FILIP1L: variants seen among roughly 807,000 people sequenced by gnomAD.
FILIP1L encodes filamin A interacting protein 1 like, also known as filamin A-interacting protein 1-like.
Under a neutral mutation model 96.6 loss-of-function variants are expected in FILIP1L, and 55 were observed. The ratio of observed to expected loss-of-function variants is 0.57; its 90% CI spans 0.46 to 0.71. The LOEUF (loss-of-function observed/expected upper bound fraction) is 0.71, where lower values mean the gene tolerates loss of function less well. Ranked by LOEUF, FILIP1L falls within the 30% of genes least tolerant of loss-of-function variation. The probability of loss-of-function intolerance (pLI) is 0.00; values close to 1 mark genes in which losing one functional copy is unlikely to be tolerated. For synonymous variants in FILIP1L, 467 were observed against 473.9 expected (o/e 0.99, Z 0.19); for missense variants, 1,304 against 1,321.2 (o/e 0.99, Z 0.20).
intron 1 of FILIP1L, among the ~76,000 whole-genome samples, chr3:99,937,892 TAAA>T: frequency 6.6e-6 from 1 of 152,230 alleles, no homozygotes; most frequent in South Asian, 2.1e-4. Flanking sequence ...TTATTTATCT[TAAA>T]GAATTTTAGC....
intron 1 of FILIP1L, among the ~76,000 whole-genome samples, chr3:99,987,569 G>C (rs938598626): frequency 2.7e-5 from 4 of 149,186 alleles, no homozygotes; most frequent in African/African-American, 4.9e-5. Flanking sequence ...AAATATTTAA[G>C]TGCAAGAGAT....
At chr3:99,935,771 T>C (rs965371964) in intron 1 of FILIP1L, among the ~76,000 whole-genome samples, 5 of 152,234 alleles carry the variant, frequency 3.3e-5, no homozygotes, top group African/African-American at 9.6e-5. Flanking sequence ...GAGAAGTAGA[T>C]CCTGCTTTGT....
rs569315688 is a variant in FILIP1L, at chr3:99,993,144, C to CT, written c.-10-62115dup. On this transcript the variant is annotated intron_variant, in intron 1 of 5. Transcript: ENST00000477258. Reference sequence around the variant, plus strand: ...CTTAGGATTTCTTTGGCTATTTGAGCTTTTTTTGGGTTTCATATGAGTTTT... The same window carrying CT: ...CTTAGGATTTCTTTGGCTATTTGAGCTTTTTTTTGGGTTTCATATGAGTTTT... 3.2e-4 allele frequency among the ~76,000 whole-genome samples: 48 copies of CT among 151,908 alleles called. No individual in the cohort carries two copies. The East Asian group carries it at 8.7e-3, about 27-fold the overall frequency.
At chr3:100,027,815 A>T (rs2064954090) in intron 1 of FILIP1L, among the ~76,000 whole-genome samples, 2 of 152,204 alleles carry the variant, frequency 1.3e-5, no homozygotes, top group Non-Finnish European at 2.9e-5. Flanking sequence ...CAGAGGGAAA[A>T]GCATGTGTAA....
chr3:99,991,200 G>A (rs1047806021), intron 1 of FILIP1L, among the ~76,000 whole-genome samples: 5 of 152,122 alleles, frequency 3.3e-5, no homozygotes, highest in Non-Finnish European at 1.5e-5. Flanking sequence ...CAAATAAGCA[G>A]CCTATTCTTC....
At chr3:100,014,885 TTC>T (rs1198501249) in intron 1 of FILIP1L, among the ~76,000 whole-genome samples, 2 of 126,220 alleles carry the variant, frequency 1.6e-5, no homozygotes, top group African/African-American at 5.6e-5. Context: ...TTTTTTTTTT[TTC>T]TTTCTTTCTT....
intron 3 of FILIP1L, among the ~76,000 whole-genome samples, chr3:99,925,327 G>A (rs1041326575): frequency 6.6e-6 from 1 of 152,186 alleles, no homozygotes; most frequent in African/African-American, 2.4e-5. Flanking sequence ...TGATCAACCT[G>A]TGGCTGATAC....
chr3:99,969,255 T>C (rs1462315435), intron 1 of FILIP1L, among the ~76,000 whole-genome samples: 1 of 152,152 alleles, frequency 6.6e-6, no homozygotes, highest in Admixed American at 6.5e-5. Context: ...AATTCTCTTA[T>C]TGAAGTAGAA....
chr3:99,870,309 A>G (rs985084609), intron 4 of FILIP1L, among the ~76,000 whole-genome samples: 1 of 152,210 alleles, frequency 6.6e-6, no homozygotes, highest in Admixed American at 6.5e-5. Flanking sequence ...TTGAGACACT[A>G]ACATTTATCC....
intron 5 of FILIP1L, among the ~76,000 whole-genome samples, chr3:99,835,633 T>C (rs1016889491): frequency 5.3e-5 from 8 of 152,224 alleles, no homozygotes; most frequent in African/African-American, 1.7e-4. Context: ...TGCAAAGTCA[T>C]ATGTGATTCT....
chr3:100,106,812 A>G (rs1217822463), intron 1 of FILIP1L, among the ~76,000 whole-genome samples: 2 of 152,142 alleles, frequency 1.3e-5, no homozygotes, highest in African/African-American at 2.4e-5. Flanking sequence ...TCCCTGTAGT[A>G]TGTTTTCATA....
intron 1 of FILIP1L, among the ~76,000 whole-genome samples, chr3:99,955,032 A>G (rs1333519762): frequency 4.6e-5 from 7 of 152,226 alleles, no homozygotes; most frequent in Admixed American, 4.6e-4. Context: ...TATAATGGTA[A>G]ATGAAAGGGT....
At chr3:99,920,317 C>G (rs1373421755) in intron 4 of FILIP1L, among the ~76,000 whole-genome samples, 1 of 151,992 alleles carries the variant, frequency 6.6e-6, no homozygotes, top group Non-Finnish European at 1.5e-5. Context: ...AAAAAATATG[C>G]AAGCTTTTTT....
intron 1 of FILIP1L, among the ~76,000 whole-genome samples, chr3:99,935,685 G>A (rs1233114998): frequency 6.6e-6 from 1 of 152,154 alleles, no homozygotes; most frequent in Non-Finnish European, 1.5e-5. Flanking sequence ...TTGAAGTCCC[G>A]GGATTTCCCG....
chr3:100,034,916 T>C (rs922064129), intron 1 of FILIP1L, among the ~76,000 whole-genome samples: 1 of 152,170 alleles, frequency 6.6e-6, no homozygotes, highest in Non-Finnish European at 1.5e-5. Context: ...TAGTCCACTT[T>C]CCTATTTTAA....
At chr3:100,083,726 C>T (rs2065965555) in intron 1 of FILIP1L, among the ~76,000 whole-genome samples, 1 of 152,086 alleles carries the variant, frequency 6.6e-6, no homozygotes, top group African/African-American at 2.4e-5. Flanking sequence ...AAATTTTTAA[C>T]ATCACCATTT....
chr3:99,930,561 A>G (rs575661418), intron 2 of FILIP1L, among the ~76,000 whole-genome samples: 2 of 152,346 alleles, frequency 1.3e-5, no homozygotes, highest in African/African-American at 4.8e-5. Context: ...CTGTATGCCA[A>G]TCACATGTCA....
rs114453421 is a variant in FILIP1L, at chr3:100,055,993, G to A, written c.-11+58060C>T. ...GTCCAAGCTTAATCTTAGGCATTCA[G>A]AGAAGGATAGCCTAGTTGATCTGGT... On this transcript the variant is annotated intron_variant, in intron 1 of 5. Transcript: ENST00000477258. 4.6e-3 allele frequency among the ~76,000 whole-genome samples: 693 copies of A among 152,304 alleles called. 7 individuals carry two copies. The highest frequency in any genetic ancestry group is 0.016 in the African/African-American group (676 of 41,546).
chr3:99,930,991 G>A lies in FILIP1L; in HGVS notation c.30C>T (p.Gly10=). Residue 10 remains glycine, a synonymous_variant, in exon 2 of 6, where the codon GGC becomes GGT. Transcript: ENST00000477258. MRSRGSDTE[G]SAQKKFPRHT... ...GTCTTGGAAATTTCTTTTGGGCTGA[G>A]CCCTCGGTATCACTGCCTCTGGAAC... is the stretch of plus-strand genomic sequence containing the variant. 1 of 1,613,776 alleles carries A rather than the reference G, an allele frequency of 6.2e-7. No homozygotes were observed. The highest frequency in any genetic ancestry group is 1.1e-5 in the South Asian group (1 of 91,054).
Sources: gnomAD v4.1 joint callset for allele counts (sites outside exome capture counted in the v4.1 genomes callset) on GRCh38, gnomAD v4.1.1 for gene constraint, MANE v1.5 for transcripts, NCBI Gene and HGNC (gene_info 2026-07-23, HGNC 2026-07-21) for gene names.